KAZN: variants seen among roughly 807,000 people sequenced by gnomAD.
KAZN encodes the protein kazrin.
Under a neutral mutation model 87.4 loss-of-function variants are expected in KAZN, and 40 were observed. The ratio of observed to expected loss-of-function variants is 0.46; its 90% CI spans 0.36 to 0.60. KAZN has a LOEUF of 0.60. KAZN is among the 20% of genes least tolerant of loss of function. The probability of loss-of-function intolerance (pLI) is 0.00; values close to 1 mark genes in which losing one functional copy is unlikely to be tolerated. For missense variants in KAZN, 898 were observed against 1,073.9 expected (o/e 0.84, Z 2.29); for synonymous variants, 466 against 458.3 (o/e 1.02, Z -0.22).
In KAZN at chr1:14,945,729, G is replaced by A. The variant is rs147355328; in HGVS notation, c.227-14955G>A. On this transcript the variant is annotated intron_variant, in intron 1 of 14. Coordinates refer to ENST00000376030, the MANE Select transcript of KAZN (RefSeq NM_201628.3). ...CTTCCTGGAGCAGCTGCTCAGGCAG[G>A]CTGGAGAGTAATCGGGAGTGAGTTA... 5.6e-3 allele frequency among the ~76,000 whole-genome samples: 846 copies of A among 152,378 alleles called. 7 individuals carry two copies. The highest frequency in any genetic ancestry group is 0.019 in the African/African-American group (797 of 41,594).
At chr1:13,975,166 G>A (rs1367199412) in intron 1 of KAZN, among the ~76,000 whole-genome samples, 1 of 152,014 alleles carries the variant, frequency 6.6e-6, no homozygotes, top group Non-Finnish European at 1.5e-5. Flanking sequence ...GTGTGTCAGG[G>A]TGGTGGCTGA....
chr1:14,985,095 C>T (rs1298967525), intron 2 of KAZN, among the ~76,000 whole-genome samples: 1 of 150,510 alleles, frequency 6.6e-6, no homozygotes, highest in Non-Finnish European at 1.5e-5. Flanking sequence ...AAGATCATGC[C>T]ACTGCACTCC....
chr1:14,057,975 T>C (rs548251569), intron 1 of KAZN, among the ~76,000 whole-genome samples: 1 of 152,360 alleles, frequency 6.6e-6, no homozygotes, highest in Non-Finnish European at 1.5e-5. Context: ...AGCAAGTCTC[T>C]TAGCTTCTCT....
intron 1 of KAZN, among the ~76,000 whole-genome samples, chr1:14,673,518 C>T (rs911077166): frequency 8.5e-5 from 13 of 152,140 alleles, no homozygotes; most frequent in African/African-American, 2.4e-4. Flanking sequence ...AAATTCAGAA[C>T]GTCAGGGAGG....
intron 1 of KAZN, among the ~76,000 whole-genome samples, chr1:14,900,197 G>A (rs1387324549): frequency 6.6e-6 from 1 of 152,142 alleles, no homozygotes; most frequent in Non-Finnish European, 1.5e-5. Context: ...AAAGACCCCA[G>A]GGCCAATGTT....
intron 1 of KAZN, among the ~76,000 whole-genome samples, chr1:13,981,089 T>TCTC (rs1553181094): frequency 1.6e-5 from 1 of 63,134 alleles, no homozygotes; most frequent in African/African-American, 5.8e-5. Context: ...AAATTACTCT[T>TCTC]TATATATATA....
At chr1:15,051,095 C>G (rs890962492) in intron 4 of KAZN, among the ~76,000 whole-genome samples, 4 of 152,282 alleles carry the variant, frequency 2.6e-5, no homozygotes, top group Non-Finnish European at 5.9e-5. Flanking sequence ...GAGCACCAGC[C>G]TTCCGATGTC....
At chr1:14,785,058 G>A (rs770375380) in intron 1 of KAZN, among the ~76,000 whole-genome samples, 2 of 151,298 alleles carry the variant, frequency 1.3e-5, no homozygotes, top group African/African-American at 2.4e-5. Context: ...GGTGCATAAC[G>A]TCAAGCTTCT....
At chr1:14,993,783 C>T (rs928880991) in intron 2 of KAZN, among the ~76,000 whole-genome samples, 2 of 152,136 alleles carry the variant, frequency 1.3e-5, no homozygotes, top group South Asian at 4.1e-4. Context: ...GGGTCACAAG[C>T]CCACACGTAA....
intron 2 of KAZN, among the ~76,000 whole-genome samples, chr1:14,201,153 A>G (rs547389123): frequency 1.7e-4 from 26 of 152,264 alleles, no homozygotes; most frequent in African/African-American, 6.0e-4. Flanking sequence ...AATGGTTCTC[A>G]GTTTTCACTG....
chr1:14,659,235 A>C (rs1002697812), intron 1 of KAZN, among the ~76,000 whole-genome samples: 1 of 152,056 alleles, frequency 6.6e-6, no homozygotes, highest in Non-Finnish European at 1.5e-5. Flanking sequence ...TCTTAAAATA[A>C]AATAAAATAA....
At chr1:14,378,526 C>T (rs973256861) in intron 2 of KAZN, among the ~76,000 whole-genome samples, 11 of 152,200 alleles carry the variant, frequency 7.2e-5, no homozygotes, top group Admixed American at 6.5e-4. Context: ...TACCCCCTTT[C>T]CCATCTCCTG....
At chr1:13,996,032 C>T (rs1639498016) in intron 1 of KAZN, among the ~76,000 whole-genome samples, 1 of 151,436 alleles carries the variant, frequency 6.6e-6, no homozygotes, top group African/African-American at 2.4e-5. Context: ...CAGGTTCCGT[C>T]ATCACAACGG....
intron 2 of KAZN, among the ~76,000 whole-genome samples, chr1:14,340,209 C>A (rs1355300086): frequency 6.6e-6 from 1 of 152,216 alleles, no homozygotes; most frequent in South Asian, 2.1e-4. Context: ...GAAGCTACTT[C>A]TTATTTATCT....
At chr1:13,991,532 T>A (rs1018569648) in intron 1 of KAZN, among the ~76,000 whole-genome samples, 1 of 152,140 alleles carries the variant, frequency 6.6e-6, no homozygotes, top group African/African-American at 2.4e-5. Flanking sequence ...ATAGTAAAAT[T>A]CAGTAAAATA....
Position 14,501,924 on chromosome 1 carries a change from A to G in KAZN, c.250-97059A>G, listed in dbSNP as rs540121600. 3.9e-5 allele frequency among the ~76,000 whole-genome samples: 6 copies of G among 152,348 alleles called. No homozygotes were observed. In the East Asian group the frequency reaches 1.2e-3, roughly 29 times the overall value. ...CAATATTGAGAATAGCCAAATCAAT[A>G]GAAACAGCAGATCAGTTCTTCCTGG... On this transcript the variant is annotated intron_variant, in intron 2 of 16. Transcript: ENST00000636203.
At chr1:14,658,750 A>C (rs1638961304) in intron 1 of KAZN, among the ~76,000 whole-genome samples, 1 of 152,054 alleles carries the variant, frequency 6.6e-6, no homozygotes, top group African/African-American at 2.4e-5. Flanking sequence ...CTGCATCCCC[A>C]CATTCCCTCG....
chr1:14,956,322 C>G (rs1278252116), intron 1 of KAZN, among the ~76,000 whole-genome samples: 1 of 129,162 alleles, frequency 7.7e-6, no homozygotes, highest in African/African-American at 4.6e-5. Context: ...AAAAAAGACC[C>G]AGCACGGTGG....
intron 1 of KAZN, among the ~76,000 whole-genome samples, chr1:13,932,092 A>AAGTG (rs1640540157): frequency 6.7e-6 from 1 of 149,610 alleles, no homozygotes; most frequent in South Asian, 2.1e-4. Context: ...TCCTGACCTC[A>AAGTG]AGTGATACAC....
Sources: allele counts gnomAD v4.1 joint callset (sites outside exome capture counted in the v4.1 genomes callset), GRCh38; gene constraint gnomAD v4.1.1; transcripts MANE v1.5; gene names NCBI Gene and HGNC (gene_info 2026-07-23, HGNC 2026-07-21).